The following TTC29 variants were observed in gnomAD, a reference collection of about 807,000 sequenced individuals.
TTC29 encodes tetratricopeptide repeat domain 29.
A neutral mutation model predicts 58.1 loss-of-function variants in TTC29; 49 were observed. The observed-to-expected ratio is 0.84, with a 90% CI of 0.67 to 1.07. The LOEUF is 1.07. TTC29 is among the 50% of genes least tolerant of loss of function. The pLI is 0.00. For missense variants in TTC29, 582 were observed against 555.6 expected (o/e 1.05, Z -0.48); for synonymous variants, 209 against 196.8 (o/e 1.06, Z -0.52).
intron 11 of TTC29, among the ~76,000 whole-genome samples, chr4:146,714,312 GAAAAT>G (rs1316574878): frequency 1.3e-5 from 2 of 152,106 alleles, no homozygotes; most frequent in South Asian, 2.1e-4. Context: ...TAGAGACATG[GAAAAT>G]AAAATAAAAC....
chr4:146,867,750 C>T (rs1730661419), intron 7 of TTC29, among the ~76,000 whole-genome samples, 167 bp from the exon 8 acceptor site: 1 of 151,884 alleles, frequency 6.6e-6, no homozygotes, highest in Admixed American at 6.6e-5. Flanking sequence ...CTGATGTAAA[C>T]ACAATTTACC....
At chr4:146,898,242 A>G (rs1042903212) in intron 6 of TTC29, among the ~76,000 whole-genome samples, 1 of 152,192 alleles carries the variant, frequency 6.6e-6, no homozygotes, top group African/African-American at 2.4e-5. Flanking sequence ...AGTCCCTTAT[A>G]GTGGTGGCCT....
At chr4:146,867,328 G>A (rs1231581867) in intron 8 of TTC29, among the ~76,000 whole-genome samples, 170 bp downstream of exon 8, 4 of 151,952 alleles carry the variant, frequency 2.6e-5, no homozygotes, top group Non-Finnish European at 4.4e-5. Flanking sequence ...CAATAAAACC[G>A]ATTTTTAAAA....
At chr4:146,804,426 A>G (rs1750457694) in intron 10 of TTC29, among the ~76,000 whole-genome samples, 1 of 152,124 alleles carries the variant, frequency 6.6e-6, no homozygotes, top group African/African-American at 2.4e-5. Context: ...CCAGGGAGCC[A>G]AGTGATCTAG....
intron 2 of TTC29, among the ~76,000 whole-genome samples, chr4:146,941,682 T>A (rs1189657530): frequency 2.0e-5 from 3 of 152,196 alleles, no homozygotes; most frequent in Non-Finnish European, 2.9e-5. Flanking sequence ...AATGTCTTGA[T>A]GGTTACTCTA....
intron 11 of TTC29, among the ~76,000 whole-genome samples, chr4:146,781,432 C>T (rs757545126): frequency 9.2e-5 from 14 of 151,784 alleles, no homozygotes; most frequent in Non-Finnish European, 1.8e-4. Flanking sequence ...TTTGAAATCA[C>T]GATGAAAATA....
At position 146,903,584 on chromosome 4, in the gene TTC29, G is replaced by T; in HGVS notation, c.546C>A (p.Ala182=). ...GAAGACCCATATGCATGTGTGCCTC[G>T]GCTTCTTTCTTCCCACAGTCAATTT... The part of the protein sequence containing the change: ...LIKIDCGKKE[A]EAHMHMGLLY... Residue 182 remains alanine, a synonymous_variant, in exon 6 of 13, where the codon GCC becomes GCA. Transcript: ENST00000325106. 1 of 1,611,462 alleles carries T rather than the reference G, an allele frequency of 6.2e-7. No individual in the cohort carries two copies. Among genetic ancestry groups the T allele is most frequent in the East Asian group, 2.2e-5 (1 of 44,618 alleles).
intron 8 of TTC29, among the ~76,000 whole-genome samples, chr4:146,842,338 G>A (rs1463622778): frequency 6.6e-6 from 1 of 152,106 alleles, no homozygotes; most frequent in Non-Finnish European, 1.5e-5. Flanking sequence ...TGCCAGCCAA[G>A]GTTGTGCTTT....
intron 8 of TTC29, among the ~76,000 whole-genome samples, chr4:146,857,764 G>T (rs1261004649): frequency 9.6e-6 from 1 of 103,912 alleles, no homozygotes; most frequent in African/African-American, 5.7e-5. Flanking sequence ...TGTTTAATGG[G>T]CAATGAGTAG....
intron 11 of TTC29, among the ~76,000 whole-genome samples, chr4:146,790,912 G>A (rs1749402830): frequency 6.6e-6 from 1 of 152,132 alleles, no homozygotes; most frequent in Non-Finnish European, 1.5e-5. Flanking sequence ...GACATTTTTT[G>A]TTGTTACATA....
At chr4:146,740,312 G>A (rs1745026385) in intron 11 of TTC29, among the ~76,000 whole-genome samples, 1 of 152,168 alleles carries the variant, frequency 6.6e-6, no homozygotes, top group Non-Finnish European at 1.5e-5. Context: ...CGCTAGCATG[G>A]CCATGCTTTT....
chr4:146,806,294 AC>A (rs1260049715), intron 10 of TTC29, among the ~76,000 whole-genome samples: 6 of 152,256 alleles, frequency 3.9e-5, no homozygotes, highest in Non-Finnish European at 8.8e-5. Flanking sequence ...AATTGTAAAG[AC>A]CATCAACACT....
chr4:146,877,813 A>G (rs1043375675), intron 6 of TTC29, among the ~76,000 whole-genome samples: 1 of 152,204 alleles, frequency 6.6e-6, no homozygotes, highest in East Asian at 1.9e-4. Flanking sequence ...ATCATAAAGG[A>G]AATGAAGTTC....
chr4:146,813,098 A>G (rs1158482590), intron 10 of TTC29: 1 of 152,236 alleles, frequency 6.6e-6, no homozygotes, highest in Admixed American at 6.5e-5. Context: ...TTATTACATT[A>G]TAACATAGAA....
chr4:146,754,458 G>A (rs546036878), intron 11 of TTC29, among the ~76,000 whole-genome samples: 1 of 152,174 alleles, frequency 6.6e-6, no homozygotes, highest in South Asian at 2.1e-4. Context: ...AGCCAAAGAA[G>A]AGCTCACAAG....
chr4:146,862,221 C>A (rs1382299700), intron 8 of TTC29, among the ~76,000 whole-genome samples: 2 of 150,482 alleles, frequency 1.3e-5, no homozygotes, highest in Non-Finnish European at 3.0e-5. Context: ...ATCAGGGAAT[C>A]GATCCTACAT....
chr4:146,788,720 T>C (rs959559274), intron 11 of TTC29, among the ~76,000 whole-genome samples: 5 of 152,022 alleles, frequency 3.3e-5, no homozygotes, highest in African/African-American at 4.8e-5. Context: ...TACAAAGGTA[T>C]GGAAAAATGA....
Position 146,937,575 on chromosome 4 carries a change from C to T in TTC29, c.176+19G>A. ...AGAAACAAACTTTATATTAAAGTAC[C>T]TTTAAAGGTTGTACTTACGCAGCAA... On this transcript the variant is annotated intron_variant, in intron 4 of 12. Transcript: ENST00000325106. 1 of 1,427,926 alleles carries T rather than the reference C, an allele frequency of 7.0e-7. No homozygotes were observed. Among genetic ancestry groups the T allele is most frequent in the South Asian group, 1.3e-5 (1 of 75,800 alleles). The allele number at this position is 1,427,926 out of a possible 1,614,324, so 88.5% of individuals were successfully genotyped here.
chr4:146,773,313 C>G (rs1747864643), intron 11 of TTC29, among the ~76,000 whole-genome samples: 1 of 152,096 alleles, frequency 6.6e-6, no homozygotes, highest in African/African-American at 2.4e-5. Flanking sequence ...AAAACCAATG[C>G]TTCCAGCTTG....
Sources: allele counts gnomAD v4.1 joint callset (sites outside exome capture counted in the v4.1 genomes callset), GRCh38; gene constraint gnomAD v4.1.1; transcripts MANE v1.5; gene names NCBI Gene and HGNC (gene_info 2026-07-23, HGNC 2026-07-21).